Variants in RSPO2 observed in about 807,000 individuals in gnomAD.
The protein encoded by RSPO2 is R-spondin 2.
RSPO2 carries 14 observed loss-of-function variants against 30.9 expected under a neutral mutation model. The ratio of observed to expected loss-of-function variants is 0.45; its 90% confidence interval spans 0.30 to 0.71. The LOEUF (loss-of-function observed/expected upper bound fraction) is 0.71. Ranked by LOEUF, RSPO2 falls within the 30% of genes least tolerant of loss-of-function variation. RSPO2 has a pLI of 0.08. For synonymous variants in RSPO2, 107 were observed against 96.4 expected (o/e 1.11, Z -0.64); for missense variants, 264 against 301.9 (o/e 0.87, Z 0.93).
chr8:107,918,465 C>G (rs1044834130), intron 5 of RSPO2, among the ~76,000 whole-genome samples: 3 of 152,114 alleles, frequency 2.0e-5, no homozygotes, highest in Non-Finnish European at 4.4e-5. Flanking sequence ...CACTAAGACC[C>G]TCTTGAGAAA....
At chr8:107,957,681 T>G (rs1200518100) in intron 5 of RSPO2, among the ~76,000 whole-genome samples, 1 of 152,180 alleles carries the variant, frequency 6.6e-6, no homozygotes, top group East Asian at 1.9e-4. Flanking sequence ...TTTTACAGAC[T>G]CCATAAACCT....
At chr8:107,939,355 T>C (rs984639640) in intron 5 of RSPO2, among the ~76,000 whole-genome samples, 4 of 152,042 alleles carry the variant, frequency 2.6e-5, no homozygotes. Flanking sequence ...GTATAGCTGA[T>C]TTATCACAAG....
At chr8:107,964,281 T>G (rs1667297488) in intron 3 of RSPO2, among the ~76,000 whole-genome samples, 1 of 152,226 alleles carries the variant, frequency 6.6e-6, no homozygotes, top group Admixed American at 6.5e-5. Flanking sequence ...TCGCTCTTGT[T>G]GCCCAGGCAG....
At chr8:107,921,129 T>A (rs1486378345) in intron 5 of RSPO2, among the ~76,000 whole-genome samples, 1 of 152,122 alleles carries the variant, frequency 6.6e-6, no homozygotes, top group Non-Finnish European at 1.5e-5. Context: ...AGGAATTTTT[T>A]GGTGGGTACA....
intron 5 of RSPO2, among the ~76,000 whole-genome samples, chr8:107,913,997 G>A (rs1424247625): frequency 5.3e-5 from 8 of 152,174 alleles, no homozygotes; most frequent in Admixed American, 4.6e-4. Context: ...TTTAAAAATA[G>A]CATTTAGAAA....
At chr8:107,993,438 T>C (rs1215724642) in intron 2 of RSPO2, among the ~76,000 whole-genome samples, 3 of 152,112 alleles carry the variant, frequency 2.0e-5, no homozygotes, top group Non-Finnish European at 4.4e-5. Flanking sequence ...TCACATACAT[T>C]ATGCTGGTCA....
chr8:107,950,653 A>G (rs1813211913), intron 5 of RSPO2, among the ~76,000 whole-genome samples: 1 of 152,112 alleles, frequency 6.6e-6, no homozygotes, highest in Non-Finnish European at 1.5e-5. Context: ...ACACAAGATG[A>G]TAGTATTAAC....
intron 2 of RSPO2, among the ~76,000 whole-genome samples, chr8:108,052,471 G>T (rs932024680): frequency 6.6e-5 from 10 of 151,992 alleles, no homozygotes; most frequent in South Asian, 6.2e-4. Flanking sequence ...ATATATTTTA[G>T]AAGTATTACT....
intron 5 of RSPO2, among the ~76,000 whole-genome samples, chr8:107,951,943 C>T (rs1045549661): frequency 2.6e-5 from 4 of 152,126 alleles, no homozygotes; most frequent in Non-Finnish European, 5.9e-5. Context: ...GACCCTTACC[C>T]TCCAATATGT....
At chr8:107,912,527 G>T (rs886819851) in intron 5 of RSPO2, among the ~76,000 whole-genome samples, 2 of 152,160 alleles carry the variant, frequency 1.3e-5, no homozygotes, top group Non-Finnish European at 2.9e-5. Flanking sequence ...GGTCACTTGT[G>T]CTATAGCAGA....
chr8:108,052,904 T>C (rs1275685602), intron 2 of RSPO2, among the ~76,000 whole-genome samples: 1 of 152,154 alleles, frequency 6.6e-6, no homozygotes, highest in Non-Finnish European at 1.5e-5. Context: ...TAGTCCAAAC[T>C]TTTATTTTAA....
intron 3 of RSPO2, among the ~76,000 whole-genome samples, chr8:107,970,260 A>G (rs533931402): frequency 6.6e-6 from 1 of 152,330 alleles, no homozygotes; most frequent in East Asian, 1.9e-4. Context: ...AAAAGTTAAT[A>G]TCATTTTCGT....
At chr8:108,028,475 G>C (rs1411612044) in intron 2 of RSPO2, among the ~76,000 whole-genome samples, 1 of 152,194 alleles carries the variant, frequency 6.6e-6, no homozygotes, top group Non-Finnish European at 1.5e-5. Flanking sequence ...TTAATGGGGA[G>C]TGGACACCTG....
chr8:108,066,965 A>G lies in RSPO2; in HGVS notation c.94+15580T>C, dbSNP rs547744593. Among the ~76,000 whole-genome samples, 6 of 152,340 alleles carry G rather than the reference A, an allele frequency of 3.9e-5. No individual in the cohort carries two copies. In the East Asian group the frequency reaches 9.6e-4, roughly 24 times the overall value. On this transcript the variant is annotated intron_variant, in intron 2 of 5. Coordinates refer to ENST00000276659, the MANE Select transcript of RSPO2 (RefSeq NM_178565.5). ...TCACCTACACAGTGTTCCAGCCAAA[A>G]AAGTTGAACCTGAATCTAATCCAAC...
intron 3 of RSPO2, among the ~76,000 whole-genome samples, chr8:107,970,165 T>A (rs187243210): frequency 4.5e-4 from 69 of 152,300 alleles, no homozygotes; most frequent in Non-Finnish European, 8.1e-4. Flanking sequence ...CTCATGTCTG[T>A]CATAACACAA....
chr8:107,930,419 T>C (rs1812516355), intron 5 of RSPO2, among the ~76,000 whole-genome samples: 1 of 152,222 alleles, frequency 6.6e-6, no homozygotes, highest in Non-Finnish European at 1.5e-5. Context: ...TCACAGGCTC[T>C]ATTAATCAGA....
At chr8:107,994,876 G>A (rs1814960958) in intron 2 of RSPO2, among the ~76,000 whole-genome samples, 2 of 152,074 alleles carry the variant, frequency 1.3e-5, no homozygotes, top group South Asian at 4.1e-4. Context: ...AGAGTACATT[G>A]TATACCATGT....
intron 3 of RSPO2, among the ~76,000 whole-genome samples, chr8:107,977,345 T>A (rs186095994): frequency 2.1e-4 from 32 of 152,288 alleles, no homozygotes; most frequent in African/African-American, 7.7e-4. Flanking sequence ...AAATGCAAAT[T>A]CTCGGGCTCC....
At chr8:107,989,835 G>GA (rs1282801839) in intron 2 of RSPO2, among the ~76,000 whole-genome samples, 2 of 152,134 alleles carry the variant, frequency 1.3e-5, no homozygotes, top group African/African-American at 2.4e-5. Context: ...AACCCAGAAA[G>GA]AAAAAATAAA....
Sources: allele counts gnomAD v4.1 joint callset (sites outside exome capture counted in the v4.1 genomes callset), GRCh38; gene constraint gnomAD v4.1.1; transcripts MANE v1.5; gene names NCBI Gene and HGNC (gene_info 2026-07-23, HGNC 2026-07-21).